The following MUCL1 variants were observed in gnomAD, a reference collection of about 807,000 sequenced individuals.
MUCL1 encodes the protein mucin like 1, also known as mucin-like protein 1.
MUCL1 carries 11 observed loss-of-function variants against 9.2 expected under a neutral mutation model. The ratio of observed to expected loss-of-function variants is 1.19; its 90% CI spans 0.75 to 1.97. The LOEUF is 1.97. Among genes scored for constraint, MUCL1 ranks in the 30% most tolerant of loss-of-function variants. MUCL1 has a pLI of 0.00. For synonymous variants in MUCL1, 48 were observed against 40.5 expected (o/e 1.19, Z -0.71); for missense variants, 144 against 110.9 (o/e 1.30, Z -1.34).
intron 1 of MUCL1, among the ~76,000 whole-genome samples, chr12:54,846,154 C>T (rs1189493235): frequency 1.3e-5 from 2 of 152,302 alleles, no homozygotes; most frequent in African/African-American, 4.8e-5. Context: ...GCCCTCTATG[C>T]TTGCCATAGG....
At chr12:54,839,099 C>A (rs1185713551), upstream of MUCL1, among the ~76,000 whole-genome samples, 1 of 151,266 alleles carries the variant, frequency 6.6e-6, no homozygotes, top group African/African-American at 2.4e-5. Context: ...AGTATGTTTT[C>A]TTAAATTTTT....
chr12:54,854,759 T>A (rs1868286942), intron 1 of MUCL1, 119 bp downstream of exon 1: 5 of 837,684 alleles, frequency 6.0e-6, no homozygotes, highest in Non-Finnish European at 9.4e-6. Context: ...TAACTTGTTC[T>A]ATCACCATTT....
chr12:54,845,499 A>G (rs1959241541), intron 1 of MUCL1, among the ~76,000 whole-genome samples: 2 of 152,298 alleles, frequency 1.3e-5, no homozygotes, highest in South Asian at 4.1e-4. Flanking sequence ...TCTGTTCTGC[A>G]ACAAAACAAG....
chr12:54,858,375 A>G lies in MUCL1; in HGVS notation c.*133A>G. On this transcript the variant is annotated 3_prime_UTR_variant, in exon 4 of 4. Coordinates refer to ENST00000308796, the MANE Select transcript of MUCL1 (RefSeq NM_058173.3). ...TTTATTTTCTTTCAAATAAAAAATA[A>G]CTATGAGCAACATAAAAATGGTATT... 1 of 1,129,140 alleles carries G rather than the reference A, an allele frequency of 8.9e-7. No individual in the cohort carries two copies. The highest frequency in any genetic ancestry group is 1.3e-6 in the Non-Finnish European group (1 of 768,358). The allele number at this position is 1,129,140 out of a possible 1,614,324, so 69.9% of individuals were successfully genotyped here.
intron 1 of MUCL1, among the ~76,000 whole-genome samples, chr12:54,843,552 G>A (rs1055614518): frequency 2.0e-5 from 3 of 152,190 alleles, no homozygotes; most frequent in Admixed American, 6.5e-5. Flanking sequence ...TAATGAGCAA[G>A]TTATCCTGGA....
intron 2 of MUCL1, among the ~76,000 whole-genome samples, chr12:54,855,853 T>C (rs1868294642): frequency 6.6e-6 from 1 of 152,242 alleles, no homozygotes. Context: ...GCATTAGCTT[T>C]AGTCAGACCT....
upstream of MUCL1, among the ~76,000 whole-genome samples, chr12:54,851,336 G>C (rs941164465): frequency 1.2e-4 from 18 of 152,164 alleles, no homozygotes; most frequent in African/African-American, 4.1e-4. Context: ...TAATCTCTGG[G>C]ATGCAAGGCT....
At chr12:54,853,451 T>G (rs184555285), upstream of MUCL1, among the ~76,000 whole-genome samples, 124 of 152,352 alleles carry the variant, frequency 8.1e-4, 3 homozygotes, top group African/African-American at 2.8e-3. Context: ...CAGAGAAGTC[T>G]GGATGACCAT....
upstream of MUCL1, among the ~76,000 whole-genome samples, chr12:54,852,527 A>G (rs1868260065): frequency 6.6e-6 from 1 of 152,250 alleles, no homozygotes; most frequent in Non-Finnish European, 1.5e-5. Flanking sequence ...AACTACTCAT[A>G]TATCAAACTT....
upstream of MUCL1, among the ~76,000 whole-genome samples, chr12:54,851,174 A>G (rs1442632099): frequency 1.3e-5 from 2 of 152,064 alleles, no homozygotes; most frequent in East Asian, 3.9e-4. Context: ...ATTACAACCC[A>G]TTTGTCAATT....
At chr12:54,838,330 A>T (rs1959196739), upstream of MUCL1, among the ~76,000 whole-genome samples, 3 of 152,264 alleles carry the variant, frequency 2.0e-5, no homozygotes, top group South Asian at 6.2e-4. Context: ...TTTATGGGTT[A>T]TCTGATGCTT....
upstream of MUCL1, among the ~76,000 whole-genome samples, chr12:54,854,068 C>T (rs2135946050): frequency 8.5e-6 from 1 of 118,080 alleles, no homozygotes; most frequent in South Asian, 3.5e-4. Context: ...AATGCACAGC[C>T]TGAGTTACAC....
chr12:54,854,022 T>C (rs1868277669), upstream of MUCL1, among the ~76,000 whole-genome samples: 1 of 152,198 alleles, frequency 6.6e-6, no homozygotes, highest in Non-Finnish European at 1.5e-5. Flanking sequence ...TCAGATGACC[T>C]AATTACATGT....
At position 54,856,910 on chromosome 12, in the gene MUCL1, T is replaced by C. The variant is rs917498621; in HGVS notation, c.223+18T>C. On this transcript the variant is annotated intron_variant, in intron 3 of 3. Transcript: ENST00000308796. The stretch of plus-strand genomic sequence containing the variant: ...CATTCCAGGTAGCAAGACTCCTCCA[T>C]CTGTGTGCTTCCTTTATGTGGCTCC... 1.9e-6 allele frequency: 3 copies of C among 1,613,504 alleles called. No homozygotes were observed. The highest frequency in any genetic ancestry group is 2.5e-6 in the Non-Finnish European group (3 of 1,179,708).
At chr12:54,838,721 TC>T (rs1363718347), upstream of MUCL1, among the ~76,000 whole-genome samples, 6 of 152,192 alleles carry the variant, frequency 3.9e-5, no homozygotes, top group Non-Finnish European at 7.3e-5. Context: ...GTTAAAACTT[TC>T]CATTGCACTT....
intron 1 of MUCL1, among the ~76,000 whole-genome samples, chr12:54,841,777 C>T (rs377067943): frequency 1.7e-4 from 26 of 152,124 alleles, no homozygotes; most frequent in African/African-American, 6.3e-4. Flanking sequence ...TTCATTTTGT[C>T]GATTGTTTCC....
intron 1 of MUCL1, among the ~76,000 whole-genome samples, chr12:54,831,812 G>C (rs1357511279): frequency 6.6e-6 from 1 of 152,022 alleles, no homozygotes; most frequent in Non-Finnish European, 1.5e-5. Context: ...CTAAAATTGT[G>C]AAATGGTATA....
chr12:54,842,001 T>G (rs1398761599), intron 1 of MUCL1, among the ~76,000 whole-genome samples: 1 of 152,158 alleles, frequency 6.6e-6, no homozygotes, highest in African/African-American at 2.4e-5. Flanking sequence ...AAGATTATCT[T>G]GACTCTATGT....
At chr12:54,858,166 C>T (rs1868314490) in intron 3 of MUCL1, 27 bp from the exon 4 acceptor site, 13 of 1,612,750 alleles carry the variant, frequency 8.1e-6, no homozygotes, top group Non-Finnish European at 1.1e-5. Context: ...TGTCGAAGCC[C>T]CTTGACAATA....
Sources: gnomAD v4.1 joint callset for allele counts (sites outside exome capture counted in the v4.1 genomes callset) on GRCh38, gnomAD v4.1.1 for gene constraint, MANE v1.5 for transcripts, NCBI Gene and HGNC (gene_info 2026-07-23, HGNC 2026-07-21) for gene names.